KCNJ6: variants seen among roughly 807,000 people sequenced by gnomAD.
The protein encoded by KCNJ6 is G protein-activated inward rectifier potassium channel 2.
KCNJ6 carries 9 observed loss-of-function variants against 34.2 expected under a neutral mutation model. That is an observed-to-expected ratio of 0.26 (90% CI 0.16 to 0.46). The LOEUF (loss-of-function observed/expected upper bound fraction) is 0.46, where lower values mean the gene tolerates loss of function less well. Ranked by LOEUF, KCNJ6 falls within the 20% of genes least tolerant of loss-of-function variation. The pLI is 1.00. For synonymous variants in KCNJ6, 196 were observed against 207.1 expected, an observed-to-expected ratio of 0.95 and a Z score of 0.46; for missense variants, 236 against 531.3, an observed-to-expected ratio of 0.44 and a Z score of 5.46.
At chr21:37,660,814 G>A (rs1391839125) in intron 3 of KCNJ6, among the ~76,000 whole-genome samples, 1 of 152,184 alleles carries the variant, frequency 6.6e-6, no homozygotes, top group Non-Finnish European at 1.5e-5. Context: ...AATTGACACC[G>A]CTAATCTTGG....
chr21:37,646,763 C>G (rs1291366009), intron 3 of KCNJ6, among the ~76,000 whole-genome samples: 1 of 151,818 alleles, frequency 6.6e-6, no homozygotes, highest in Non-Finnish European at 1.5e-5. Flanking sequence ...CTCCGCCTCC[C>G]GGGTTCACGG....
rs935201305 is a variant in KCNJ6, at chr21:37,859,018, A to G, written c.-27-18309T>C. Reference sequence around the variant, plus strand: ...AGTACAGTATATATTATAGAAGAACAAAATGAAACTCTCATTCTACCGAAT... The same window carrying G: ...AGTACAGTATATATTATAGAAGAACGAAATGAAACTCTCATTCTACCGAAT... On this transcript the variant is annotated intron_variant, in intron 1 of 3. Transcript: ENST00000609713. 2.6e-5 allele frequency among the ~76,000 whole-genome samples: 4 copies of G among 152,248 alleles called. No homozygotes were observed. In the South Asian group the frequency reaches 8.3e-4, roughly 32 times the overall value.
intron 3 of KCNJ6, among the ~76,000 whole-genome samples, chr21:37,629,531 T>C (rs563805210): frequency 7.2e-5 from 11 of 152,212 alleles, no homozygotes; most frequent in African/African-American, 2.4e-4. Flanking sequence ...TCCAATATAA[T>C]TGATGTCCTT....
intron 2 of KCNJ6, among the ~76,000 whole-genome samples, chr21:37,808,805 C>T (rs1055889205): frequency 6.6e-6 from 1 of 152,234 alleles, no homozygotes; most frequent in Non-Finnish European, 1.5e-5. Flanking sequence ...TGGGCTAGCT[C>T]TCCCAGAGAG....
intron 1 of KCNJ6, among the ~76,000 whole-genome samples, chr21:37,910,573 T>C (rs1306146775): frequency 6.6e-6 from 1 of 152,256 alleles, no homozygotes; most frequent in Non-Finnish European, 1.5e-5. Context: ...CACTTTCTGG[T>C]TCCTTTTGTA....
rs117435947 is a variant in KCNJ6 at position 37,653,828 on chromosome 21, C to T, written c.947-28344G>A. Among the ~76,000 whole-genome samples, 610 of 152,272 alleles carry T rather than the reference C, an allele frequency of 4.0e-3. 6 individuals are homozygous for T. The highest frequency in any genetic ancestry group is 0.017 in the Middle Eastern group (5 of 294). ...GGTAAGCATATTTGACTTGTCTTAGCCAGCAAACCACTTTCCACAGAAAGT... is the reference window on the plus strand; with the variant it reads ...GGTAAGCATATTTGACTTGTCTTAGTCAGCAAACCACTTTCCACAGAAAGT... On this transcript the variant is annotated intron_variant, in intron 3 of 3. Transcript: ENST00000609713.
intron 2 of KCNJ6, among the ~76,000 whole-genome samples, chr21:37,825,684 T>C (rs1353864305): frequency 1.3e-5 from 2 of 152,142 alleles, no homozygotes; most frequent in Non-Finnish European, 2.9e-5. Context: ...AATAACAACA[T>C]ACCCAAGACT....
intron 2 of KCNJ6, among the ~76,000 whole-genome samples, chr21:37,836,979 G>A (rs1190894206): frequency 6.6e-6 from 1 of 152,020 alleles, no homozygotes; most frequent in Non-Finnish European, 1.5e-5. Context: ...CTAATTTTTA[G>A]ACCCCATGGA....
rs1342957161 is a variant in KCNJ6 at position 37,613,755 on chromosome 21, GT to G, written c.*11403del. 3 of 152,270 alleles carry G rather than the reference GT, an allele frequency of 2.0e-5. No homozygotes were observed. In the East Asian group the frequency reaches 5.8e-4, roughly 29 times the overall value. The allele number at this position is 152,270 out of a possible 1,614,324, so 9.4% of individuals were successfully genotyped here. ...GTAAATAGATCAGTGGTTGCCAGGG[GT>G]TGGGAGGACACAAGATGAATTGGGA... On this transcript the variant is annotated 3_prime_UTR_variant, in exon 4 of 4. Transcript: ENST00000609713.
intron 1 of KCNJ6, among the ~76,000 whole-genome samples, chr21:37,866,686 T>C (rs1225961215): frequency 6.6e-6 from 1 of 152,174 alleles, no homozygotes; most frequent in African/African-American, 2.4e-5. Context: ...CCATTGGCAA[T>C]TCCCACGAAA....
intron 3 of KCNJ6, among the ~76,000 whole-genome samples, chr21:37,669,426 G>A (rs900500733): frequency 4.6e-5 from 7 of 152,148 alleles, no homozygotes; most frequent in African/African-American, 1.7e-4. Flanking sequence ...AGTTTACAGA[G>A]TTTGCCTTTT....
intron 1 of KCNJ6, among the ~76,000 whole-genome samples, chr21:37,915,461 G>A (rs1177304665): frequency 6.6e-6 from 1 of 152,102 alleles, no homozygotes; most frequent in African/African-American, 2.4e-5. Flanking sequence ...TCCATGCAAA[G>A]CAGAACAAGA....
intron 3 of KCNJ6, among the ~76,000 whole-genome samples, chr21:37,666,853 C>G (rs554263553): frequency 9.2e-5 from 14 of 151,590 alleles, no homozygotes; most frequent in African/African-American, 3.4e-4. Flanking sequence ...AACCTTACCC[C>G]CAACCCCGTG....
At chr21:37,656,576 T>G (rs1007246708) in intron 3 of KCNJ6, among the ~76,000 whole-genome samples, 2 of 152,196 alleles carry the variant, frequency 1.3e-5, no homozygotes, top group East Asian at 1.9e-4. Flanking sequence ...TCCCCATGGC[T>G]CTGCAGCCCT....
chr21:37,846,771 T>G (rs1307634663), intron 1 of KCNJ6, among the ~76,000 whole-genome samples: 1 of 152,212 alleles, frequency 6.6e-6, no homozygotes, highest in Non-Finnish European at 1.5e-5. Context: ...AGCCATTTTA[T>G]GAACTTAGTA....
At chr21:37,679,573 A>G (rs1214446460) in intron 3 of KCNJ6, among the ~76,000 whole-genome samples, 1 of 152,240 alleles carries the variant, frequency 6.6e-6, no homozygotes, top group East Asian at 1.9e-4. Flanking sequence ...TCAGGCAAAC[A>G]CAGAAAGAAC....
chr21:37,682,436 T>C (rs1217936276), intron 3 of KCNJ6, among the ~76,000 whole-genome samples: 1 of 152,144 alleles, frequency 6.6e-6, no homozygotes, highest in Admixed American at 6.5e-5. Context: ...TTATTTTATA[T>C]TGGTTTTATA....
Position 37,814,117 on chromosome 21 carries a change from A to G in KCNJ6, c.25+26541T>C, listed in dbSNP as rs557675820. Reference sequence around the variant, plus strand: ...AAAAGATTTGAATAGACATTTCTCAAAAGGAGATATACAAATGTCCAACAG... The same window carrying G: ...AAAAGATTTGAATAGACATTTCTCAGAAGGAGATATACAAATGTCCAACAG... On this transcript the variant is annotated intron_variant, in intron 2 of 3. Coordinates refer to ENST00000609713, the MANE Select transcript of KCNJ6 (RefSeq NM_002240.5). Among the ~76,000 whole-genome samples the G allele has an allele frequency of 4.6e-5, 7 of 152,374 alleles. No individual in the cohort carries two copies. In the South Asian group the frequency reaches 1.4e-3, roughly 32 times the overall value.
chr21:37,625,956 C>CTAGA (rs1234451454), intron 3 of KCNJ6, among the ~76,000 whole-genome samples: 3 of 152,260 alleles, frequency 2.0e-5, no homozygotes, highest in Admixed American at 2.0e-4. Context: ...TGCTTTTAAG[C>CTAGA]TAGAGGCCAC....
Sources: allele counts gnomAD v4.1 joint callset (sites outside exome capture counted in the v4.1 genomes callset), GRCh38; gene constraint gnomAD v4.1.1; transcripts MANE v1.5; gene names NCBI Gene and HGNC (gene_info 2026-07-23, HGNC 2026-07-21).